MED4: variants seen among roughly 807,000 people sequenced by gnomAD.
MED4 encodes the protein mediator complex subunit 4, also known as mediator of RNA polymerase II transcription subunit 4.
In MED4, 21 loss-of-function variants were observed where a neutral mutation model predicts 35.0. That is an observed-to-expected ratio of 0.60 (90% CI 0.43 to 0.86). MED4 has a LOEUF of 0.86. MED4 is among the 40% of genes least tolerant of loss of function. MED4 has a pLI of 0.00. For synonymous variants in MED4, 138 were observed against 114.0 expected (o/e 1.21, Z -1.34); for missense variants, 300 against 319.4 (o/e 0.94, Z 0.46).
chr13:48,083,510 T>G, intron 3 of MED4, 82 bp from the exon 4 acceptor site: 2 of 1,070,882 alleles, frequency 1.9e-6, no homozygotes, highest in Middle Eastern at 2.0e-4. Flanking sequence ...ACAAGATCCT[T>G]TAGCCTACAA....
intron 6 of MED4, among the ~76,000 whole-genome samples, chr13:48,079,059 A>T (rs1950784339): frequency 6.6e-6 from 1 of 152,226 alleles, no homozygotes; most frequent in Non-Finnish European, 1.5e-5. Context: ...GGAATAATAT[A>T]AAACAAATAT....
At chr13:48,085,223 A>T (rs2137834532) in intron 3 of MED4, among the ~76,000 whole-genome samples, 1 of 147,920 alleles carries the variant, frequency 6.8e-6, no homozygotes, top group South Asian at 2.1e-4. Flanking sequence ...CTGGGCTGGA[A>T]TACAATAGCG....
intron 1 of MED4, among the ~76,000 whole-genome samples, chr13:48,094,250 T>C (rs976290270): frequency 1.3e-5 from 2 of 152,154 alleles, no homozygotes; most frequent in Non-Finnish European, 2.9e-5. Flanking sequence ...AGCGACACTT[T>C]AGGAGGTAGA....
chr13:48,093,642 C>T, intron 1 of MED4: 1 of 464,448 alleles, frequency 2.2e-6, no homozygotes, highest in Non-Finnish European at 4.5e-6. Flanking sequence ...CCCGCCTTGG[C>T]CTCCCAAAGT....
At chr13:48,081,576 G>A in intron 5 of MED4, 69 bp downstream of exon 5, 1 of 1,011,454 alleles carries the variant, frequency 9.9e-7, no homozygotes, top group Non-Finnish European at 1.5e-6. Flanking sequence ...TTAAATCTAT[G>A]TCTGTACATA....
chr13:48,095,051 C>G lies in MED4; in HGVS notation c.28G>C (p.Glu10Gln). The change falls in exon 1 of 7, where the codon GAG (glutamate) becomes CAG (glutamine). Residue 10 changes from glutamate to glutamine, a missense_variant. Glu to Gln is a conservative substitution (Grantham distance 29). Transcript: ENST00000258648. ...AAACCGCCTCCCAGCCGCTCCTTCT[C>G]CTTCTCACCACTCGAAGACGCAGCC... MAASSSGEK[E>Q]KERLGGGLGV... 6.2e-7 allele frequency: 1 copy of G among 1,605,484 alleles called. No individual in the cohort carries two copies. The highest frequency in any genetic ancestry group is 8.5e-7 in the Non-Finnish European group (1 of 1,179,788).
At chr13:48,088,648 G>C (rs2137838189) in intron 2 of MED4, among the ~76,000 whole-genome samples, 1 of 152,206 alleles carries the variant, frequency 6.6e-6, no homozygotes, top group Non-Finnish European at 1.5e-5. Flanking sequence ...ATTCTCTTTA[G>C]ATCTTATTGT....
At chr13:48,091,042 AG>A (rs1434066865) in intron 1 of MED4, among the ~76,000 whole-genome samples, 2 of 152,236 alleles carry the variant, frequency 1.3e-5, no homozygotes, top group African/African-American at 2.4e-5. Flanking sequence ...TGGCCTTTGC[AG>A]AAAAAGTTTT....
chr13:48,080,690 A>C (rs1950801422), intron 5 of MED4, among the ~76,000 whole-genome samples: 1 of 152,134 alleles, frequency 6.6e-6, no homozygotes, highest in African/African-American at 2.4e-5. Flanking sequence ...TGACACTTAT[A>C]AGACAGAAAG....
chr13:48,087,913 G>A (rs954367713), intron 2 of MED4, among the ~76,000 whole-genome samples: 1 of 151,954 alleles, frequency 6.6e-6, no homozygotes, highest in Non-Finnish European at 1.5e-5. Context: ...ATGCAGATAC[G>A]GCAAAAACCA....
At chr13:48,092,171 G>A (rs576874789) in intron 1 of MED4, among the ~76,000 whole-genome samples, 9 of 152,236 alleles carry the variant, frequency 5.9e-5, no homozygotes, top group South Asian at 2.1e-4. Flanking sequence ...GCAATGGCGC[G>A]ATCTCGGCTC....
At chr13:48,085,233 G>A (rs552408013) in intron 3 of MED4, among the ~76,000 whole-genome samples, 2 of 147,362 alleles carry the variant, frequency 1.4e-5, no homozygotes, top group South Asian at 2.1e-4. Context: ...ATACAATAGC[G>A]CAATCTCAGC....
intron 5 of MED4, among the ~76,000 whole-genome samples, chr13:48,081,350 A>G (rs994915631): frequency 6.6e-6 from 1 of 152,224 alleles, no homozygotes; most frequent in African/African-American, 2.4e-5. Context: ...ATAAAATGGT[A>G]TATAAATCCA....
intron 3 of MED4, among the ~76,000 whole-genome samples, chr13:48,085,429 G>A (rs1389664177): frequency 2.0e-5 from 3 of 152,054 alleles, no homozygotes; most frequent in African/African-American, 7.2e-5. Flanking sequence ...CTGACCTCGC[G>A]ATCCACCTGC....
In MED4 at chr13:48,083,396, G is replaced by C. The variant is rs759186207; in HGVS notation, c.396C>G (p.Leu132=). 6.2e-7 allele frequency: 1 copy of C among 1,612,766 alleles called. No individual in the cohort carries two copies. Among genetic ancestry groups the C allele is most frequent in the Non-Finnish European group, 8.5e-7 (1 of 1,179,634 alleles). ...ATAVYQAKEK[L]KSIEKARKGA... The stretch of plus-strand genomic sequence containing the variant: ...CTTTTCTTGCTTTTTCTATTGACTT[G>C]AGTTTCTCCTTCGCTTGGTAAACAG... The change falls in exon 4 of 7, where the codon CTC becomes CTG. Residue 132 remains leucine, a synonymous_variant. Transcript: ENST00000258648.
At chr13:48,090,853 C>T (rs891690327) in intron 1 of MED4, among the ~76,000 whole-genome samples, 1 of 152,206 alleles carries the variant, frequency 6.6e-6, no homozygotes, top group African/African-American at 2.4e-5. Context: ...AAAACTCATA[C>T]ATCAGGGGTC....
At chr13:48,090,624 A>C (rs893571248) in intron 1 of MED4, among the ~76,000 whole-genome samples, 2 of 152,212 alleles carry the variant, frequency 1.3e-5, no homozygotes, top group African/African-American at 4.8e-5. Flanking sequence ...GACTATTGTG[A>C]ATAGAGAGAG....
chr13:48,088,746 G>C (rs1191637825), intron 2 of MED4, among the ~76,000 whole-genome samples: 1 of 152,166 alleles, frequency 6.6e-6, no homozygotes, highest in Non-Finnish European at 1.5e-5. Context: ...CGTCCACCCT[G>C]GAGCTTATTC....
In MED4 at chr13:48,079,986, A is replaced by T; in HGVS notation, c.509-11T>A. 3.1e-6 allele frequency: 5 copies of T among 1,610,544 alleles called. No individual in the cohort carries two copies. The highest frequency in any genetic ancestry group is 4.2e-6 in the Non-Finnish European group (5 of 1,178,344). On this transcript the variant is annotated splice_polypyrimidine_tract_variant and intron_variant, in intron 5 of 6. Transcript: ENST00000258648. Reference sequence around the variant, plus strand: ...GTCTCCGGGGGTCCCCTAAAACAATAAAGACTGCATTTAATTCAATCATAT... The same window carrying T: ...GTCTCCGGGGGTCCCCTAAAACAATTAAGACTGCATTTAATTCAATCATAT...
Sources: gnomAD v4.1 joint callset for allele counts (sites outside exome capture counted in the v4.1 genomes callset) on GRCh38, gnomAD v4.1.1 for gene constraint, MANE v1.5 for transcripts, NCBI Gene and HGNC (gene_info 2026-07-23, HGNC 2026-07-21) for gene names.